The following DOCK2 variants were observed in gnomAD, a reference collection of about 807,000 sequenced individuals.
DOCK2 encodes the protein dedicator of cytokinesis protein 2.
A neutral mutation model predicts 248.9 loss-of-function variants in DOCK2; 87 were observed. That is an observed-to-expected ratio of 0.35 (90% CI 0.29 to 0.42). The LOEUF is 0.42. DOCK2 is among the 10% of genes least tolerant of loss of function. DOCK2 has a pLI of 1.00. For synonymous variants in DOCK2, 805 were observed against 821.6 expected, an observed-to-expected ratio of 0.98 and a Z score of 0.35; for missense variants, 1,747 against 2,300.2, an observed-to-expected ratio of 0.76 and a Z score of 4.92.
At chr5:170,050,224 C>G (rs749935655) in intron 40 of DOCK2, 32 bp from the exon 41 acceptor site, 3 of 1,609,432 alleles carry the variant, frequency 1.9e-6, no homozygotes, top group Admixed American at 1.7e-5. Flanking sequence ...ACCTGGGTCC[C>G]CAAATCTCTA....
intron 25 of DOCK2, among the ~76,000 whole-genome samples, chr5:169,781,691 T>G (rs1765722432): frequency 6.6e-6 from 1 of 152,134 alleles, no homozygotes; most frequent in Non-Finnish European, 1.5e-5. Flanking sequence ...GTGAATCCAG[T>G]GTGTCATTGA....
intron 27 of DOCK2, among the ~76,000 whole-genome samples, chr5:169,908,713 C>CTTTTTTTTTTTTTTTT (rs34261104): frequency 2.9e-5 from 3 of 105,074 alleles, no homozygotes; most frequent in Non-Finnish European, 5.6e-5. Context: ...TTTCTTTTTT[C>CTTTTTTTTTTTTTTTT]TTTTTTTTTT....
chr5:169,806,646 T>C (rs1767380378), intron 26 of DOCK2, among the ~76,000 whole-genome samples: 1 of 152,224 alleles, frequency 6.6e-6, no homozygotes, highest in Non-Finnish European at 1.5e-5. Flanking sequence ...TTACATAAAC[T>C]TACCTTTTCC....
intron 27 of DOCK2, among the ~76,000 whole-genome samples, chr5:169,956,347 T>C (rs1479125423): frequency 6.6e-6 from 1 of 152,178 alleles, no homozygotes. Context: ...TAGCCACAAG[T>C]GATACTACTA....
chr5:169,995,915 G>A (rs1754610107), intron 29 of DOCK2, among the ~76,000 whole-genome samples, 171 bp from the exon 30 acceptor site: 4 of 152,184 alleles, frequency 2.6e-5, no homozygotes, highest in South Asian at 4.2e-4. Flanking sequence ...AAACAGCCCC[G>A]AGTCTAGAGT....
intron 44 of DOCK2, 41 bp downstream of exon 44, chr5:170,057,707 A>G: frequency 6.5e-7 from 1 of 1,545,488 alleles, no homozygotes; most frequent in Non-Finnish European, 8.8e-7. Flanking sequence ...CCTTCCTCCG[A>G]TGGGCAGGGC....
intron 27 of DOCK2, among the ~76,000 whole-genome samples, chr5:169,968,858 G>A (rs867836331): frequency 5.3e-5 from 8 of 152,268 alleles, no homozygotes; most frequent in Middle Eastern, 3.4e-3. Flanking sequence ...GGCTTCCCGG[G>A]AGAAGAAATG....
At chr5:169,990,080 C>G (rs1079176) in intron 29 of DOCK2, among the ~76,000 whole-genome samples, 50,393 of 130,516 alleles carry the variant, frequency 0.39, 8,815 homozygotes, top group Middle Eastern at 0.46. Context: ...AGAAAGAACC[C>G]TCTTAATGTT....
chr5:169,702,670 C>G (rs1190222962), intron 14 of DOCK2: 1 of 332,172 alleles, frequency 3.0e-6, no homozygotes, highest in East Asian at 6.2e-5. Context: ...ACAACTTCTT[C>G]TTGTATGTAT....
At chr5:169,697,359 G>A (rs1324892773) in intron 10 of DOCK2, among the ~76,000 whole-genome samples, 1 of 152,184 alleles carries the variant, frequency 6.6e-6, no homozygotes, top group Admixed American at 6.5e-5. Context: ...TCAGCCAGCT[G>A]TTCCAAGCTT....
chr5:169,908,277 T>C (rs1371116379), intron 27 of DOCK2, among the ~76,000 whole-genome samples: 1 of 152,184 alleles, frequency 6.6e-6, no homozygotes, highest in Non-Finnish European at 1.5e-5. Context: ...TATTGGGACA[T>C]TTTGAACAGC....
chr5:169,655,757 C>T (rs1199650968), intron 2 of DOCK2, among the ~76,000 whole-genome samples: 1 of 152,134 alleles, frequency 6.6e-6, no homozygotes, highest in Non-Finnish European at 1.5e-5. Context: ...CATACCTGTG[C>T]ATGTAGATAC....
At chr5:170,000,021 T>A (rs1304197430) in intron 30 of DOCK2, 4 of 152,228 alleles carry the variant, frequency 2.6e-5, no homozygotes, top group African/African-American at 9.6e-5. Flanking sequence ...TAAGATCACT[T>A]GCATTCCAGG....
At chr5:169,788,372 C>T (rs952216773) in intron 25 of DOCK2, among the ~76,000 whole-genome samples, 4 of 152,124 alleles carry the variant, frequency 2.6e-5, no homozygotes, top group Admixed American at 6.5e-5. Flanking sequence ...CACAAGAGCA[C>T]TAAACACAGT....
chr5:169,788,987 C>T (rs897974577), intron 25 of DOCK2, among the ~76,000 whole-genome samples: 13 of 152,172 alleles, frequency 8.5e-5, no homozygotes, highest in African/African-American at 3.1e-4. Flanking sequence ...TCCTCTCCCT[C>T]CTTCTACTCT....
intron 27 of DOCK2, among the ~76,000 whole-genome samples, chr5:169,842,121 G>T (rs1770016303): frequency 6.6e-6 from 1 of 152,186 alleles, no homozygotes; most frequent in Non-Finnish European, 1.5e-5. Context: ...TGATATTTCA[G>T]TGTTGGCAGT....
chr5:169,799,283 C>G (rs541102139), intron 25 of DOCK2, among the ~76,000 whole-genome samples: 10 of 152,138 alleles, frequency 6.6e-5, no homozygotes, highest in Non-Finnish European at 1.2e-4. Context: ...AAGACTTTAC[C>G]ACTTTATCTA....
chr5:169,740,006 A>G (rs1291657230), intron 22 of DOCK2, among the ~76,000 whole-genome samples: 1 of 152,252 alleles, frequency 6.6e-6, no homozygotes, highest in African/African-American at 2.4e-5. Flanking sequence ...GAAAAACCCT[A>G]AATACCATTT....
At chr5:169,802,136 A>G (rs759952414) in intron 25 of DOCK2, among the ~76,000 whole-genome samples, 9 of 152,206 alleles carry the variant, frequency 5.9e-5, no homozygotes, top group Middle Eastern at 3.2e-3. Flanking sequence ...GTCAAGAGAC[A>G]TACCCTTCTC....
Sources: allele counts gnomAD v4.1 joint callset (sites outside exome capture counted in the v4.1 genomes callset), GRCh38; gene constraint gnomAD v4.1.1; transcripts MANE v1.5; gene names NCBI Gene and HGNC (gene_info 2026-07-23, HGNC 2026-07-21).